Variants in BNC2 observed in about 807,000 individuals in gnomAD.
The protein encoded by BNC2 is zinc finger protein basonuclin-2.
BNC2 carries 20 observed loss-of-function variants against 76.3 expected under a neutral mutation model. The observed-to-expected ratio is 0.26, with a 90% confidence interval of 0.18 to 0.38. BNC2 has a LOEUF of 0.38. Ranked by LOEUF, BNC2 falls within the 10% of genes least tolerant of loss-of-function variation. The probability of loss-of-function intolerance (pLI) is 1.00; values close to 1 mark genes in which losing one functional copy is unlikely to be tolerated. For synonymous variants in BNC2, 582 were observed against 514.8 expected, an observed-to-expected ratio of 1.13 and a Z score of -1.77; for missense variants, 1,382 against 1,399.8, an observed-to-expected ratio of 0.99 and a Z score of 0.20.
chr9:16,727,854 C>A lies in BNC2; in HGVS notation c.273G>T (p.Gly91=), dbSNP rs767705553. Reference sequence around the variant, plus strand: ...CAGCGTTTTGCCATGTCCCCATGAACCCTGGTTCAGCCGTAGTCGTTCTGG... The same window carrying A: ...CAGCGTTTTGCCATGTCCCCATGAAACCTGGTTCAGCCGTAGTCGTTCTGG... ...FGTRTTTAEP[G]FMGTWQNADT... is the part of the protein sequence containing the mutation. Residue 91 remains glycine, a synonymous_variant, in exon 3 of 7, where the codon GGG becomes GGT. Transcript: ENST00000380672. The A allele has an allele frequency of 1.2e-6, 2 of 1,614,194 alleles. No individual in the cohort carries two copies. The highest frequency in any genetic ancestry group is 2.2e-5 in the East Asian group (1 of 44,884).
intron 1 of BNC2, among the ~76,000 whole-genome samples, chr9:16,802,684 G>C (rs559776988): frequency 6.6e-6 from 1 of 152,154 alleles, no homozygotes; most frequent in East Asian, 1.9e-4. Flanking sequence ...GACAAGGACC[G>C]AAGGGTTTTT....
At chr9:16,638,557 T>C (rs1821395195) in intron 3 of BNC2, among the ~76,000 whole-genome samples, 1 of 152,106 alleles carries the variant, frequency 6.6e-6, no homozygotes, top group Non-Finnish European at 1.5e-5. Context: ...AGGCTCAGGT[T>C]CTCCCCTGTA....
At chr9:16,709,858 A>C (rs2134704074) in intron 3 of BNC2, among the ~76,000 whole-genome samples, 1 of 152,308 alleles carries the variant, frequency 6.6e-6, no homozygotes, top group Middle Eastern at 3.4e-3. Context: ...GTAGGTTTCA[A>C]GAAAGTGTTT....
chr9:16,769,347 A>G (rs1230711572), intron 1 of BNC2, among the ~76,000 whole-genome samples: 1 of 152,200 alleles, frequency 6.6e-6, no homozygotes, highest in Non-Finnish European at 1.5e-5. Context: ...TAACAGAGAC[A>G]TTATCTCATT....
chr9:16,678,305 G>A (rs1413118348), intron 3 of BNC2, among the ~76,000 whole-genome samples: 2 of 99,028 alleles, frequency 2.0e-5, no homozygotes, highest in Non-Finnish European at 3.6e-5. Context: ...TTGAGACAGA[G>A]TCTTGCTCTG....
chr9:16,537,319 C>T (rs886801828), intron 5 of BNC2, among the ~76,000 whole-genome samples: 1 of 151,918 alleles, frequency 6.6e-6, no homozygotes, highest in Non-Finnish European at 1.5e-5. Flanking sequence ...GAATCGCACT[C>T]GAAACACTAT....
intron 1 of BNC2, among the ~76,000 whole-genome samples, chr9:16,835,951 A>G (rs1563964221): frequency 6.6e-6 from 1 of 152,060 alleles, no homozygotes; most frequent in Non-Finnish European, 1.5e-5. Flanking sequence ...AAAACACAGC[A>G]CCCATCCCAC....
chr9:16,816,135 A>T (rs1356554553), intron 1 of BNC2, among the ~76,000 whole-genome samples: 1 of 152,160 alleles, frequency 6.6e-6, no homozygotes, highest in South Asian at 2.1e-4. Context: ...AGAGCTGCAT[A>T]AATTTTGCCT....
At chr9:16,570,954 T>C (rs1225984886) in intron 4 of BNC2, among the ~76,000 whole-genome samples, 1 of 152,232 alleles carries the variant, frequency 6.6e-6, no homozygotes, top group African/African-American at 2.4e-5. Context: ...AATTTGATCA[T>C]GATAGTAACC....
intron 1 of BNC2, among the ~76,000 whole-genome samples, chr9:16,750,270 C>G (rs1306012767): frequency 6.6e-6 from 1 of 152,152 alleles, no homozygotes; most frequent in Non-Finnish European, 1.5e-5. Flanking sequence ...TGTACCAATA[C>G]ATGTACTATA....
chr9:16,566,405 T>C (rs1245603160), intron 4 of BNC2, among the ~76,000 whole-genome samples: 2 of 152,176 alleles, frequency 1.3e-5, no homozygotes, highest in African/African-American at 4.8e-5. Flanking sequence ...AACCCTTCTT[T>C]TGTTCTAGAC....
chr9:16,440,090 A>C (rs2130900162), intron 5 of BNC2, among the ~76,000 whole-genome samples: 1 of 152,330 alleles, frequency 6.6e-6, no homozygotes, highest in Admixed American at 6.5e-5. Flanking sequence ...TAGAGAAATA[A>C]GTTGTGACTT....
At chr9:16,738,010 A>C (rs1587366698) in intron 2 of BNC2, among the ~76,000 whole-genome samples, 1 of 152,302 alleles carries the variant, frequency 6.6e-6, no homozygotes, top group South Asian at 2.1e-4. Flanking sequence ...TTAATATAGT[A>C]TTATTATTAA....
chr9:16,772,097 C>T (rs560574643), intron 1 of BNC2, among the ~76,000 whole-genome samples: 3 of 152,258 alleles, frequency 2.0e-5, no homozygotes, highest in African/African-American at 7.2e-5. Flanking sequence ...AGACTGATAA[C>T]AGGTTTTTCC....
intron 5 of BNC2, among the ~76,000 whole-genome samples, chr9:16,447,722 C>T (rs1350784434): frequency 6.6e-6 from 1 of 152,014 alleles, no homozygotes; most frequent in Non-Finnish European, 1.5e-5. Context: ...CAAAGACTCC[C>T]TAAGAGGCCT....
At chr9:16,797,778 C>T (rs1452346811) in intron 1 of BNC2, among the ~76,000 whole-genome samples, 2 of 151,742 alleles carry the variant, frequency 1.3e-5, no homozygotes, top group Non-Finnish European at 2.9e-5. Flanking sequence ...CAAAAGTTGC[C>T]CAGGGCAACA....
chr9:16,526,584 T>C (rs971090419), intron 5 of BNC2, among the ~76,000 whole-genome samples: 5 of 149,092 alleles, frequency 3.4e-5, no homozygotes, highest in Non-Finnish European at 7.4e-5. Flanking sequence ...CAAAGAAATG[T>C]CCATTAGTCA....
intron 5 of BNC2, among the ~76,000 whole-genome samples, chr9:16,461,302 C>T (rs1234285000): frequency 6.6e-6 from 1 of 152,052 alleles, no homozygotes; most frequent in Non-Finnish European, 1.5e-5. Flanking sequence ...TGTGGAGAAA[C>T]CAGGCGCTTC....
intron 5 of BNC2, among the ~76,000 whole-genome samples, chr9:16,545,016 CAA>C (rs1404618160): frequency 1.3e-5 from 2 of 152,012 alleles, no homozygotes; most frequent in Non-Finnish European, 2.9e-5. Context: ...ACAGAGCTAC[CAA>C]AAAGTGAAAC....
Sources: allele counts gnomAD v4.1 joint callset (sites outside exome capture counted in the v4.1 genomes callset), GRCh38; gene constraint gnomAD v4.1.1; transcripts MANE v1.5; gene names NCBI Gene and HGNC (gene_info 2026-07-23, HGNC 2026-07-21).